The following GMDS variants were observed in gnomAD, a reference collection of about 807,000 sequenced individuals.
GMDS encodes GDP-mannose 4,6 dehydratase.
Under a neutral mutation model 49.9 loss-of-function variants are expected in GMDS, and 20 were observed. That is an observed-to-expected ratio of 0.40 (90% confidence interval 0.28 to 0.58). The LOEUF is 0.58. Among genes scored for constraint, GMDS ranks in the 20% least tolerant of loss-of-function variants. The pLI, the probability that GMDS is intolerant of heterozygous loss-of-function variation, is 0.42. For synonymous variants in GMDS, 177 were observed against 178.6 expected, an observed-to-expected ratio of 0.99 and a Z score of 0.07; for missense variants, 362 against 481.4, an observed-to-expected ratio of 0.75 and a Z score of 2.32.
At chr6:1,906,035 C>G (rs1373040087) in intron 7 of GMDS, among the ~76,000 whole-genome samples, 1 of 151,710 alleles carries the variant, frequency 6.6e-6, no homozygotes, top group East Asian at 1.9e-4. Context: ...AACAGCTGTT[C>G]CAAAAAACGA....
At chr6:1,982,749 A>T (rs191714916) in intron 4 of GMDS, among the ~76,000 whole-genome samples, 32 of 152,322 alleles carry the variant, frequency 2.1e-4, no homozygotes, top group Admixed American at 1.0e-3. Context: ...ATGGAAAAAC[A>T]TCAAATGCTC....
At chr6:2,181,174 CA>C (rs755377915) in intron 1 of GMDS, among the ~76,000 whole-genome samples, 6,533 of 51,310 alleles carry the variant, frequency 0.13, 106 homozygotes, top group East Asian at 0.27. Flanking sequence ...GACTCCATCT[CA>C]AAAAAAAAAA....
intron 6 of GMDS, among the ~76,000 whole-genome samples, chr6:1,945,007 T>C (rs1022857319): frequency 6.6e-6 from 1 of 152,200 alleles, no homozygotes; most frequent in East Asian, 1.9e-4. Context: ...TCCTCTGTAA[T>C]AACTATTGCT....
intron 8 of GMDS, among the ~76,000 whole-genome samples, chr6:1,738,098 CCACA>C (rs376595047): frequency 4.1e-5 from 6 of 144,886 alleles, no homozygotes; most frequent in African/African-American, 1.3e-4. Flanking sequence ...CACATACACA[CCACA>C]CATATACACA....
chr6:2,030,575 G>C lies in GMDS; in HGVS notation c.346-69609C>G, dbSNP rs75142467. ...CACATTTGGCCACAGTAAGTCTCAGGGCTCTAAATGACCTCTGGGGATGAA... is the reference window on the plus strand; with the variant it reads ...CACATTTGGCCACAGTAAGTCTCAGCGCTCTAAATGACCTCTGGGGATGAA... On this transcript the variant is annotated intron_variant, in intron 4 of 10. Transcript: ENST00000380815. Among the ~76,000 whole-genome samples the C allele has an allele frequency of 5.2e-3, 786 of 152,190 alleles. 9 individuals are homozygous for C. Among genetic ancestry groups the C allele is most frequent in the Non-Finnish European group, 5.8e-3 (392 of 68,020 alleles).
intron 8 of GMDS, among the ~76,000 whole-genome samples, chr6:1,732,526 G>A (rs1474803192): frequency 6.6e-6 from 1 of 152,150 alleles, no homozygotes; most frequent in Non-Finnish European, 1.5e-5. Flanking sequence ...ATAAGAGGAG[G>A]CCGACAGATA....
chr6:1,680,196 C>G lies in GMDS; in HGVS notation c.987+46220G>C, dbSNP rs113870078. 5.9e-5 allele frequency among the ~76,000 whole-genome samples: 9 copies of G among 152,116 alleles called. 1 individual carries two copies. The highest frequency in any genetic ancestry group is 5.9e-4 in the Admixed American group (9 of 15,276). On this transcript the variant is annotated intron_variant, in intron 9 of 10. Coordinates refer to ENST00000380815, the MANE Select transcript of GMDS (RefSeq NM_001500.4). ...AATAGGCATCCAGATATTCAAAGAC[C>G]GGGCCTCAGAGGTGAACTTCACTTA...
intron 1 of GMDS, among the ~76,000 whole-genome samples, chr6:2,239,559 A>G (rs561521159): frequency 6.6e-6 from 1 of 152,336 alleles, no homozygotes; most frequent in Non-Finnish European, 1.5e-5. Flanking sequence ...GTAAGGCTAT[A>G]CAATTAATTG....
At chr6:1,681,561 T>G (rs1486869518) in intron 9 of GMDS, among the ~76,000 whole-genome samples, 1 of 152,194 alleles carries the variant, frequency 6.6e-6, no homozygotes, top group Non-Finnish European at 1.5e-5. Flanking sequence ...AGTCTACGAC[T>G]GCCAGGGAAG....
intron 4 of GMDS, among the ~76,000 whole-genome samples, chr6:2,076,796 G>T (rs1014822854): frequency 6.6e-6 from 1 of 152,004 alleles, no homozygotes; most frequent in Admixed American, 6.6e-5. Context: ...TAGACCTAAA[G>T]CCATAAAAAC....
intron 4 of GMDS, among the ~76,000 whole-genome samples, chr6:2,034,508 C>G (rs1261036740): frequency 6.6e-6 from 1 of 152,120 alleles, no homozygotes; most frequent in Non-Finnish European, 1.5e-5. Context: ...TAGGAATAAA[C>G]TAAAAACTAC....
chr6:2,059,031 C>G (rs747146566), intron 4 of GMDS, among the ~76,000 whole-genome samples: 3 of 151,696 alleles, frequency 2.0e-5, no homozygotes, highest in Admixed American at 6.6e-5. Flanking sequence ...CAAAAATTAG[C>G]TGGGTGTGGT....
At chr6:1,903,651 A>C (rs899565476) in intron 7 of GMDS, among the ~76,000 whole-genome samples, 1 of 152,164 alleles carries the variant, frequency 6.6e-6, no homozygotes, top group East Asian at 1.9e-4. Context: ...CTTCTGATAT[A>C]TTACATGTTC....
intron 7 of GMDS, among the ~76,000 whole-genome samples, chr6:1,899,999 C>A (rs764586785): frequency 1.3e-5 from 2 of 151,938 alleles, no homozygotes; most frequent in Non-Finnish European, 2.9e-5. Context: ...GGAGACCTTC[C>A]ACAGGGCACC....
intron 9 of GMDS, among the ~76,000 whole-genome samples, chr6:1,689,550 T>C (rs1765100075): frequency 6.6e-6 from 1 of 152,184 alleles, no homozygotes; most frequent in Non-Finnish European, 1.5e-5. Flanking sequence ...TATAAGACAA[T>C]GGATATTAGG....
intron 6 of GMDS, among the ~76,000 whole-genome samples, chr6:1,949,690 C>T (rs1763248739): frequency 6.6e-6 from 1 of 152,172 alleles, no homozygotes; most frequent in African/African-American, 2.4e-5. Flanking sequence ...TCATAGTCTA[C>T]AAATGCAATG....
At chr6:1,935,681 A>G (rs569849251) in intron 6 of GMDS, among the ~76,000 whole-genome samples, 2 of 152,316 alleles carry the variant, frequency 1.3e-5, no homozygotes, top group South Asian at 4.1e-4. Flanking sequence ...TTAACCTAGG[A>G]AAGAGAGTAT....
intron 1 of GMDS, among the ~76,000 whole-genome samples, chr6:2,128,687 A>C (rs1775580207): frequency 6.6e-6 from 1 of 152,250 alleles, no homozygotes; most frequent in Non-Finnish European, 1.5e-5. Context: ...CAAAATAATA[A>C]GAGACCATAA....
intron 1 of GMDS, among the ~76,000 whole-genome samples, chr6:2,220,157 GA>G (rs2127589092): frequency 6.6e-6 from 1 of 152,324 alleles, no homozygotes; most frequent in African/African-American, 2.4e-5. Context: ...GACTCCGGAG[GA>G]AACATCTTTA....
Sources: allele counts gnomAD v4.1 joint callset (sites outside exome capture counted in the v4.1 genomes callset), GRCh38; gene constraint gnomAD v4.1.1; transcripts MANE v1.5; gene names NCBI Gene and HGNC (gene_info 2026-07-23, HGNC 2026-07-21).